The following CNTN4 variants were observed in gnomAD, a reference collection of about 807,000 sequenced individuals.
The protein encoded by CNTN4 is contactin-4.
CNTN4 carries 77 observed loss-of-function variants against 122.5 expected under a neutral mutation model. The ratio of observed to expected loss-of-function variants is 0.63; its 90% CI spans 0.52 to 0.76. CNTN4 has a LOEUF of 0.76. Among genes scored for constraint, CNTN4 ranks in the 30% least tolerant of loss-of-function variants. The probability of loss-of-function intolerance (pLI) is 0.00; values close to 1 mark genes in which losing one functional copy is unlikely to be tolerated. For synonymous variants in CNTN4, 512 were observed against 447.0 expected (o/e 1.15, Z -1.83); for missense variants, 1,256 against 1,259.1 (o/e 1.00, Z 0.04).
At chr3:2,808,350 A>T (rs957095989) in intron 6 of CNTN4, among the ~76,000 whole-genome samples, 1 of 152,100 alleles carries the variant, frequency 6.6e-6, no homozygotes, top group African/African-American at 2.4e-5. Context: ...AATGTATCTG[A>T]TTTGCCTTCT....
At chr3:2,450,247 G>C (rs749354772) in intron 3 of CNTN4, among the ~76,000 whole-genome samples, 2 of 151,902 alleles carry the variant, frequency 1.3e-5, no homozygotes, top group Non-Finnish European at 2.9e-5. Context: ...CATACCTGTA[G>C]TCCCAGCTAC....
intron 13 of CNTN4, among the ~76,000 whole-genome samples, chr3:2,967,266 T>C (rs1298613187): frequency 6.6e-6 from 1 of 152,092 alleles, no homozygotes; most frequent in Non-Finnish European, 1.5e-5. Context: ...AGCCAGTTTA[T>C]TGATCTGGGT....
intron 23 of CNTN4, among the ~76,000 whole-genome samples, chr3:3,046,827 G>GC (rs1700712856): frequency 7.2e-6 from 1 of 138,350 alleles, no homozygotes; most frequent in Non-Finnish European, 1.6e-5. Context: ...AAAAGACACA[G>GC]ATGGCAAATT....
chr3:2,805,652 C>T (rs983441610), intron 6 of CNTN4, among the ~76,000 whole-genome samples: 16 of 152,012 alleles, frequency 1.1e-4, no homozygotes, highest in African/African-American at 3.9e-4. Flanking sequence ...GCACACTGAC[C>T]TGCATTGAAA....
chr3:2,240,122 TTTTG>T (rs1452739694), intron 2 of CNTN4, among the ~76,000 whole-genome samples: 1 of 152,184 alleles, frequency 6.6e-6, no homozygotes, highest in African/African-American at 2.4e-5. Context: ...TCTTAGTTCC[TTTTG>T]TTTGAGATTA....
intron 6 of CNTN4, among the ~76,000 whole-genome samples, chr3:2,789,527 G>C (rs912460562): frequency 6.6e-6 from 1 of 152,140 alleles, no homozygotes; most frequent in Non-Finnish European, 1.5e-5. Flanking sequence ...CCGCCTCCCG[G>C]GTTCAAGTGA....
At chr3:2,566,635 T>G (rs1356040784) in intron 3 of CNTN4, among the ~76,000 whole-genome samples, 1 of 151,104 alleles carries the variant, frequency 6.6e-6, no homozygotes, top group Non-Finnish European at 1.5e-5. Flanking sequence ...AATCCAAGTT[T>G]AAATAAACGA....
chr3:2,725,929 T>A (rs1320874276), intron 4 of CNTN4, among the ~76,000 whole-genome samples: 3 of 152,200 alleles, frequency 2.0e-5, no homozygotes, highest in Non-Finnish European at 4.4e-5. Flanking sequence ...ATAGTGTTGA[T>A]CAGGAGTTTC....
At chr3:2,416,692 C>T (rs1275420613) in intron 3 of CNTN4, among the ~76,000 whole-genome samples, 3 of 151,500 alleles carry the variant, frequency 2.0e-5, no homozygotes, top group Non-Finnish European at 4.4e-5. Context: ...CTCTGTCTGT[C>T]GCCCAGGCTG....
intron 2 of CNTN4, among the ~76,000 whole-genome samples, chr3:2,198,874 C>G (rs895265013): frequency 1.3e-5 from 2 of 152,196 alleles, no homozygotes; most frequent in Non-Finnish European, 2.9e-5. Flanking sequence ...TCATCCCATT[C>G]AGGGGCTATT....
intron 6 of CNTN4, among the ~76,000 whole-genome samples, chr3:2,778,881 A>G (rs1475311166): frequency 1.3e-5 from 2 of 152,180 alleles, no homozygotes; most frequent in Non-Finnish European, 2.9e-5. Flanking sequence ...ACTGTTAAGG[A>G]CTGTCACAAT....
intron 10 of CNTN4, among the ~76,000 whole-genome samples, chr3:2,893,922 C>A (rs562855081): frequency 6.6e-6 from 1 of 151,990 alleles, no homozygotes; most frequent in Non-Finnish European, 1.5e-5. Flanking sequence ...CCTCAAAGAG[C>A]CTTTGTTTAT....
chr3:2,652,482 G>A (rs1470886511), intron 4 of CNTN4, among the ~76,000 whole-genome samples: 1 of 152,166 alleles, frequency 6.6e-6, no homozygotes, highest in Non-Finnish European at 1.5e-5. Flanking sequence ...GGGGACTGCT[G>A]TGCAGCTGCT....
At chr3:2,243,292 C>G (rs1049367492) in intron 2 of CNTN4, among the ~76,000 whole-genome samples, 2 of 152,070 alleles carry the variant, frequency 1.3e-5, no homozygotes, top group Admixed American at 1.3e-4. Flanking sequence ...TGTCAGCAAC[C>G]ACTGCTCTGG....
rs188176529 is a variant in CNTN4 at position 2,455,907 on chromosome 3, G to T, written c.-88-115509G>T. ...AAACTTGCCTCTCTTCTCTCTGTCAGTTCTCTCAAAATCAGGGTTAATATT... is the reference window on the plus strand; with the variant it reads ...AAACTTGCCTCTCTTCTCTCTGTCATTTCTCTCAAAATCAGGGTTAATATT... On this transcript the variant is annotated intron_variant, in intron 3 of 24. Transcript: ENST00000418658. 7.4e-4 allele frequency among the ~76,000 whole-genome samples: 112 copies of T among 152,124 alleles called. 2 individuals are homozygous for T. The highest frequency in any genetic ancestry group is 2.6e-3 in the African/African-American group (106 of 41,542).
chr3:2,381,094 C>T (rs1018964110), intron 3 of CNTN4, among the ~76,000 whole-genome samples: 19 of 151,926 alleles, frequency 1.3e-4, no homozygotes, highest in Non-Finnish European at 8.8e-5. Flanking sequence ...CAACCTCTGC[C>T]TTCTGGGTTC....
At chr3:2,843,669 C>A (rs774062026) in intron 7 of CNTN4, among the ~76,000 whole-genome samples, 19 of 152,254 alleles carry the variant, frequency 1.2e-4, no homozygotes, top group Admixed American at 3.9e-4. Context: ...ATCTCTTGCT[C>A]CTGCTTTTCA....
At chr3:2,177,721 T>A (rs1161664874) in intron 2 of CNTN4, among the ~76,000 whole-genome samples, 2 of 151,292 alleles carry the variant, frequency 1.3e-5, no homozygotes, top group African/African-American at 4.9e-5. Context: ...GTTTTTACAT[T>A]TAAGGCTTTC....
At chr3:2,691,804 A>T (rs1045831572) in intron 4 of CNTN4, among the ~76,000 whole-genome samples, 6 of 151,584 alleles carry the variant, frequency 4.0e-5, no homozygotes, top group African/African-American at 1.4e-4. Context: ...AAGCAAAATA[A>T]ACAATTATTA....
Sources: allele counts gnomAD v4.1 joint callset (sites outside exome capture counted in the v4.1 genomes callset), GRCh38; gene constraint gnomAD v4.1.1; transcripts MANE v1.5; gene names NCBI Gene and HGNC (gene_info 2026-07-23, HGNC 2026-07-21).